Variants in PTPRG observed in about 807,000 individuals in gnomAD.
PTPRG encodes receptor-type tyrosine-protein phosphatase gamma.
A neutral mutation model predicts 165.3 loss-of-function variants in PTPRG; 102 were observed. The observed-to-expected ratio is 0.62, with a 90% CI of 0.53 to 0.73. PTPRG has a LOEUF of 0.73. PTPRG is among the 30% of genes least tolerant of loss of function. The pLI, the probability that PTPRG is intolerant of heterozygous loss-of-function variation, is 0.00. For synonymous variants in PTPRG, 675 were observed against 669.5 expected, an observed-to-expected ratio of 1.01 and a Z score of -0.13; for missense variants, 1,866 against 1,861.4, an observed-to-expected ratio of 1.00 and a Z score of -0.05.
intron 2 of PTPRG, among the ~76,000 whole-genome samples, chr3:61,948,557 G>C (rs2039821313): frequency 6.6e-6 from 1 of 152,180 alleles, no homozygotes; most frequent in South Asian, 2.1e-4. Flanking sequence ...CAGATATGGA[G>C]TGATTGGTTG....
chr3:61,877,955 C>G (rs1049250694), intron 2 of PTPRG, among the ~76,000 whole-genome samples: 1 of 152,152 alleles, frequency 6.6e-6, no homozygotes, highest in African/African-American at 2.4e-5. Context: ...ATAATTAGCT[C>G]CTCGCACAAT....
chr3:62,247,747 G>C (rs529036022), intron 15 of PTPRG, among the ~76,000 whole-genome samples: 1 of 152,228 alleles, frequency 6.6e-6, no homozygotes, highest in Non-Finnish European at 1.5e-5. Context: ...TTCTGCTGTG[G>C]CTAAAATTCA....
At chr3:61,697,574 C>T (rs763219416) in intron 1 of PTPRG, among the ~76,000 whole-genome samples, 34 of 152,204 alleles carry the variant, frequency 2.2e-4, no homozygotes, top group Non-Finnish European at 3.4e-4. Flanking sequence ...GAGGGATTAC[C>T]TGGAAGACTT....
At chr3:61,826,505 A>G (rs1319087925) in intron 2 of PTPRG, among the ~76,000 whole-genome samples, 1 of 148,512 alleles carries the variant, frequency 6.7e-6, no homozygotes, top group Non-Finnish European at 1.5e-5. Flanking sequence ...CCTTTCTTCC[A>G]CATCTTCCAG....
intron 24 of PTPRG, chr3:62,276,300 T>C (rs1702231935): frequency 5.7e-6 from 1 of 175,332 alleles, no homozygotes; most frequent in Admixed American, 6.3e-5. Context: ...AAGAATTGGG[T>C]TACTTCTACC....
At chr3:62,160,155 T>A (rs1408083373) in intron 7 of PTPRG, among the ~76,000 whole-genome samples, 1 of 152,218 alleles carries the variant, frequency 6.6e-6, no homozygotes, top group Non-Finnish European at 1.5e-5. Context: ...CATGGGTGCC[T>A]GCACTCAATG....
chr3:62,023,092 T>G (rs959273292), intron 4 of PTPRG, among the ~76,000 whole-genome samples: 3 of 152,120 alleles, frequency 2.0e-5, no homozygotes, highest in African/African-American at 4.8e-5. Flanking sequence ...ATATTATGAC[T>G]AAATTACTTG....
intron 1 of PTPRG, among the ~76,000 whole-genome samples, chr3:61,624,179 G>A (rs906650680): frequency 6.6e-6 from 1 of 152,114 alleles, no homozygotes; most frequent in Non-Finnish European, 1.5e-5. Flanking sequence ...ATAATCCTGT[G>A]AATTTAAATC....
chr3:62,211,477 A>G (rs976282344), intron 12 of PTPRG, among the ~76,000 whole-genome samples: 1 of 152,198 alleles, frequency 6.6e-6, no homozygotes, highest in Non-Finnish European at 1.5e-5. Flanking sequence ...GGACACTTAG[A>G]AATGGTTAAG....
At chr3:61,565,860 C>T (rs968022583) in intron 1 of PTPRG, among the ~76,000 whole-genome samples, 7 of 151,574 alleles carry the variant, frequency 4.6e-5, no homozygotes, top group Non-Finnish European at 8.8e-5. Context: ...GATGGGCATC[C>T]GTTATGGCCT....
chr3:61,686,201 A>C (rs1251218042), intron 1 of PTPRG, among the ~76,000 whole-genome samples: 1 of 152,192 alleles, frequency 6.6e-6, no homozygotes, highest in Non-Finnish European at 1.5e-5. Context: ...AGGACCACTT[A>C]CCTCAGGAGT....
intron 2 of PTPRG, among the ~76,000 whole-genome samples, chr3:61,817,051 A>AATATT (rs1261655634): frequency 8.1e-6 from 1 of 122,996 alleles, no homozygotes; most frequent in Admixed American, 9.3e-5. Flanking sequence ...ATATAATATT[A>AATATT]TATATAATAT....
intron 2 of PTPRG, among the ~76,000 whole-genome samples, chr3:61,821,317 C>G (rs571787803): frequency 6.6e-6 from 1 of 152,060 alleles, no homozygotes; most frequent in Admixed American, 6.6e-5. Context: ...CTACAGGCGC[C>G]TGCCACCTCG....
rs1702113982 is a variant in PTPRG at position 62,272,967 on chromosome 3, C to T, written c.3204C>T (p.Gly1068=). The T allele has an allele frequency of 2.5e-6, 4 of 1,612,408 alleles. No homozygotes were observed. The highest frequency in any genetic ancestry group is 3.4e-6 in the Non-Finnish European group (4 of 1,179,326). The change falls in exon 22 of 30, where the codon GGC becomes GGT. Residue 1068 remains glycine, a synonymous_variant. Transcript: ENST00000474889. ...ACAGTGCTGGTGTGGGCAGAACAGG[C>T]ACCTATATTGTAATAGACAGCATGC... ...VHCSAGVGRT[G]TYIVIDSMLQ...
chr3:62,160,423 TAGTC>T (rs1350693240), intron 7 of PTPRG, among the ~76,000 whole-genome samples: 35 of 152,338 alleles, frequency 2.3e-4, no homozygotes, highest in African/African-American at 8.4e-4. Context: ...ATTCCCCACT[TAGTC>T]AGCATGGCTT....
intron 29 of PTPRG, among the ~76,000 whole-genome samples, chr3:62,292,951 G>A (rs1474505547): frequency 1.3e-5 from 2 of 152,200 alleles, no homozygotes; most frequent in East Asian, 1.9e-4. Context: ...TTGGTTCCAA[G>A]CTAACAGAGA....
intron 2 of PTPRG, among the ~76,000 whole-genome samples, chr3:61,891,928 A>G (rs1247048293): frequency 6.6e-6 from 1 of 152,048 alleles, no homozygotes; most frequent in African/African-American, 2.4e-5. Context: ...CAGTAAATTA[A>G]TACAAACTGA....
intron 2 of PTPRG, among the ~76,000 whole-genome samples, chr3:61,978,880 C>G (rs555559497): frequency 2.6e-5 from 4 of 152,032 alleles, no homozygotes; most frequent in African/African-American, 9.7e-5. Context: ...TGCAAATGCC[C>G]GTTTTGGAGC....
intron 5 of PTPRG, among the ~76,000 whole-genome samples, chr3:62,082,498 T>A (rs749351119): frequency 4.6e-5 from 7 of 152,224 alleles, no homozygotes; most frequent in Non-Finnish European, 8.8e-5. Context: ...TATGGAAGGT[T>A]TTACACAAAA....
Sources: allele counts gnomAD v4.1 joint callset (sites outside exome capture counted in the v4.1 genomes callset), GRCh38; gene constraint gnomAD v4.1.1; transcripts MANE v1.5; gene names NCBI Gene and HGNC (gene_info 2026-07-23, HGNC 2026-07-21).